The following DGKI variants were observed in gnomAD, a reference collection of about 807,000 sequenced individuals.
DGKI encodes diacylglycerol kinase iota.
Under a neutral mutation model 147.5 loss-of-function variants are expected in DGKI, and 55 were observed. That is an observed-to-expected ratio of 0.37 (90% confidence interval 0.30 to 0.47). DGKI has a LOEUF of 0.47. Ranked by LOEUF, DGKI falls within the 20% of genes least tolerant of loss-of-function variation. The probability of loss-of-function intolerance (pLI) is 1.00; values close to 1 mark genes in which losing one functional copy is unlikely to be tolerated. For synonymous variants in DGKI, 469 were observed against 477.1 expected, an observed-to-expected ratio of 0.98 and a Z score of 0.22; for missense variants, 1,007 against 1,323.8, an observed-to-expected ratio of 0.76 and a Z score of 3.71.
chr7:137,480,915 C>T (rs1815350027), intron 23 of DGKI, among the ~76,000 whole-genome samples: 2 of 152,086 alleles, frequency 1.3e-5, no homozygotes, highest in Admixed American at 6.6e-5. Context: ...TTTATTCTAC[C>T]CTACTACATC....
intron 20 of DGKI, among the ~76,000 whole-genome samples, chr7:137,536,312 C>T (rs1817518925): frequency 6.6e-6 from 1 of 152,116 alleles, no homozygotes. Context: ...CAACTGTGAC[C>T]TTAGAAGTTA....
Position 137,717,036 on chromosome 7 carries a change from G to C in DGKI, c.402-27034C>G, listed in dbSNP as rs574554091. Among the ~76,000 whole-genome samples, 6 of 152,204 alleles carry C rather than the reference G, an allele frequency of 3.9e-5. No individual in the cohort carries two copies. The South Asian group carries it at 1.2e-3, about 32-fold the overall frequency. On this transcript the variant is annotated intron_variant, in intron 1 of 32. Transcript: ENST00000614521. Reference sequence around the variant, plus strand: ...CATCCTATTCTACTTGTACTATATGGTAAACTTGCTTTTCTGACCCTTCTG... The same window carrying C: ...CATCCTATTCTACTTGTACTATATGCTAAACTTGCTTTTCTGACCCTTCTG...
Position 137,617,124 on chromosome 7 carries a change from C to CAAAAAAAAAAAAAAAAAAAAAAAAAAAAA in DGKI, c.993+2671_993+2699dup, listed in dbSNP as rs60654879. On this transcript the variant is annotated intron_variant, in intron 8 of 32. Transcript: ENST00000614521. ...TGTACTGCCAGTGTATCCCTTTTAC[C>CAAAAAAAAAAAAAAAAAAAAAAAAAAAAA]AAAAAAAAAAAAAAAAAAAAAAAAA... Among the ~76,000 whole-genome samples the CAAAAAAAAAAAAAAAAAAAAAAAAAAAAA allele has an allele frequency of 4.2e-5, 2 of 48,130 alleles. 1 individual carries two copies. 31.6% of individuals were successfully genotyped at this position (48,130 alleles called of 152,430 possible). A position where few individuals can be genotyped will look rare whatever the true frequency, so the allele number is the denominator to read the frequency against.
At chr7:137,734,431 G>A (rs147000020) in intron 1 of DGKI, among the ~76,000 whole-genome samples, 5 of 152,026 alleles carry the variant, frequency 3.3e-5, no homozygotes, top group African/African-American at 7.2e-5. Context: ...GGCTGGTGAC[G>A]TCATTTCCAA....
intron 1 of DGKI, among the ~76,000 whole-genome samples, chr7:137,765,712 C>T (rs557644895): frequency 2.0e-5 from 3 of 152,286 alleles, no homozygotes; most frequent in Admixed American, 6.5e-5. Context: ...CTGAATCCCA[C>T]GTCGTTTACT....
chr7:137,444,535 G>C (rs930550475), intron 27 of DGKI, among the ~76,000 whole-genome samples: 5 of 152,310 alleles, frequency 3.3e-5, no homozygotes, highest in Admixed American at 3.3e-4. Flanking sequence ...AGAGGTAAAA[G>C]AAATAGCATG....
At chr7:137,716,366 G>C (rs1794376578) in intron 1 of DGKI, among the ~76,000 whole-genome samples, 1 of 152,034 alleles carries the variant, frequency 6.6e-6, no homozygotes, top group Non-Finnish European at 1.5e-5. Context: ...CTAACTATTC[G>C]AGCTCATGAC....
chr7:137,597,719 A>G lies in DGKI; in HGVS notation c.1311+128T>C, dbSNP rs1191949116. On this transcript the variant is annotated intron_variant, in intron 12 of 32. Coordinates refer to ENST00000614521, the MANE Select transcript of DGKI (RefSeq NM_001321708.2). ...TCCCTTGTTACTCTTAGGGGCTATGATTCACATGAGAGATATACATGTGTT... is the reference window on the plus strand; with the variant it reads ...TCCCTTGTTACTCTTAGGGGCTATGGTTCACATGAGAGATATACATGTGTT... 9 of 817,200 alleles carry G rather than the reference A, an allele frequency of 1.1e-5. No homozygotes were observed. In the Admixed American group the frequency reaches 2.0e-4, roughly 18 times the overall value. The allele number at this position is 817,200 out of a possible 1,614,324, so 50.6% of individuals were successfully genotyped here. A position where few individuals can be genotyped will look rare whatever the true frequency, so the allele number is the denominator to read the frequency against.
chr7:137,562,290 C>G (rs1224347504), intron 19 of DGKI, among the ~76,000 whole-genome samples: 1 of 152,212 alleles, frequency 6.6e-6, no homozygotes, highest in Non-Finnish European at 1.5e-5. Context: ...AATCCCAACA[C>G]TTTGGGAGGC....
intron 1 of DGKI, among the ~76,000 whole-genome samples, chr7:137,754,284 C>T (rs1234606645): frequency 6.6e-6 from 1 of 152,128 alleles, no homozygotes; most frequent in African/African-American, 2.4e-5. Flanking sequence ...ACCCCCTGTC[C>T]CCAGGAGGTC....
At chr7:137,411,316 G>T (rs1448145419) in intron 29 of DGKI, among the ~76,000 whole-genome samples, 1 of 151,718 alleles carries the variant, frequency 6.6e-6, no homozygotes, top group Non-Finnish European at 1.5e-5. Context: ...ATTCATAGAT[G>T]ATGTTATATT....
intron 21 of DGKI, among the ~76,000 whole-genome samples, chr7:137,517,382 C>T (rs1341668884): frequency 1.4e-4 from 8 of 58,764 alleles, no homozygotes; most frequent in South Asian, 7.7e-4. Context: ...AGAGAGAGGG[C>T]GGGAGGGAGG....
At chr7:137,425,517 T>C (rs989803358) in intron 28 of DGKI, among the ~76,000 whole-genome samples, 3 of 152,174 alleles carry the variant, frequency 2.0e-5, no homozygotes, top group African/African-American at 7.2e-5. Flanking sequence ...GGAATGCAGT[T>C]CCTCACCAGC....
chr7:137,809,831 G>A (rs1046656667), intron 1 of DGKI, among the ~76,000 whole-genome samples: 3 of 152,066 alleles, frequency 2.0e-5, no homozygotes, highest in African/African-American at 2.4e-5. Flanking sequence ...TTGAGCTGAG[G>A]AGGTCGAGGC....
At chr7:137,469,816 A>G (rs1240918650) in intron 23 of DGKI, among the ~76,000 whole-genome samples, 197 bp from the exon 24 acceptor site, 3 of 152,218 alleles carry the variant, frequency 2.0e-5, no homozygotes, top group South Asian at 4.1e-4. Flanking sequence ...ACTCCCTCAT[A>G]AAATTAGCAT....
chr7:137,395,525 G>T, intron 32 of DGKI, 73 bp downstream of exon 32: 1 of 1,403,682 alleles, frequency 7.1e-7, no homozygotes, highest in Non-Finnish European at 1.0e-6. Flanking sequence ...TCCGTGCTAT[G>T]GTCACAAGCA....
chr7:137,552,513 A>G lies in DGKI; in HGVS notation c.2003T>C (p.Met668Thr). 1 of 1,614,202 alleles carries G rather than the reference A, an allele frequency of 6.2e-7. No individual in the cohort carries two copies. Among genetic ancestry groups the G allele is most frequent in the Non-Finnish European group, 8.5e-7 (1 of 1,180,016 alleles). ...GGGGATGGATTTGTAAGTTAGAAGC[A>G]TGACTTCTCGACACTGGTGTAGCCT... ...GERLHQCREV[M>T]LLTYKSIPMQ... The change falls in exon 20 of 33, where the codon ATG becomes ACG. Residue 668 changes from methionine (M) to threonine (T), a missense_variant. Transcript: ENST00000614521.
intron 19 of DGKI, among the ~76,000 whole-genome samples, chr7:137,554,914 CTTTTTTTT>C (rs757320303): frequency 3.7e-5 from 4 of 107,428 alleles, no homozygotes; most frequent in African/African-American, 1.6e-4. Flanking sequence ...AAACTATTTT[CTTTTTTTT>C]TTTTTTTTTT....
At chr7:137,549,313 GAT>G (rs1817968240) in intron 20 of DGKI, among the ~76,000 whole-genome samples, 1 of 152,316 alleles carries the variant, frequency 6.6e-6, no homozygotes, top group South Asian at 2.1e-4. Context: ...ACAGATCAGA[GAT>G]ACAGTCTCCC....
Sources: allele counts gnomAD v4.1 joint callset (sites outside exome capture counted in the v4.1 genomes callset), GRCh38; gene constraint gnomAD v4.1.1; transcripts MANE v1.5; gene names NCBI Gene and HGNC (gene_info 2026-07-23, HGNC 2026-07-21).